KCNK9: variants seen among roughly 807,000 people sequenced by gnomAD.
KCNK9 encodes potassium two pore domain channel subfamily K member 9.
KCNK9 carries 1 observed loss-of-function variant against 10.8 expected under a neutral mutation model. The ratio of observed to expected loss-of-function variants is 0.09; its 90% CI spans 0.03 to 0.44. The LOEUF is 0.44. Among genes scored for constraint, KCNK9 ranks in the 20% least tolerant of loss-of-function variants. The pLI, the probability that KCNK9 is intolerant of heterozygous loss-of-function variation, is 0.97. For missense variants in KCNK9, 303 were observed against 515.0 expected, an observed-to-expected ratio of 0.59 and a Z score of 3.98; for synonymous variants, 231 against 222.7, an observed-to-expected ratio of 1.04 and a Z score of -0.33.
intron 1 of KCNK9, among the ~76,000 whole-genome samples, chr8:139,662,880 G>A (rs1054166928): frequency 1.0e-4 from 11 of 109,678 alleles, no homozygotes; most frequent in Middle Eastern, 4.7e-3. Flanking sequence ...GGAAGGGGGG[G>A]GGGCTGGAGG....
intron 1 of KCNK9, among the ~76,000 whole-genome samples, chr8:139,697,343 A>ATAGT (rs1817086106): frequency 8.0e-6 from 1 of 125,220 alleles, no homozygotes; most frequent in Non-Finnish European, 1.7e-5. Context: ...GGGTGAGTGG[A>ATAGT]TGGTTGGATG....
intron 1 of KCNK9, among the ~76,000 whole-genome samples, chr8:139,699,999 G>A (rs914164142): frequency 2.0e-5 from 3 of 152,154 alleles, no homozygotes; most frequent in African/African-American, 7.2e-5. Context: ...TGCCCAATAG[G>A]AGACAAATCC....
chr8:139,667,272 G>A (rs1320072913), intron 1 of KCNK9, among the ~76,000 whole-genome samples: 1 of 152,246 alleles, frequency 6.6e-6, no homozygotes, highest in Non-Finnish European at 1.5e-5. Flanking sequence ...AGGCAGTTCA[G>A]TCCCTAAAGG....
At chr8:139,652,384 A>T (rs538068214) in intron 1 of KCNK9, among the ~76,000 whole-genome samples, 1 of 152,182 alleles carries the variant, frequency 6.6e-6, no homozygotes, top group Non-Finnish European at 1.5e-5. Flanking sequence ...TGAGCCCATC[A>T]TGGCTCTGGG....
At chr8:139,660,846 C>T (rs185748199) in intron 1 of KCNK9, among the ~76,000 whole-genome samples, 111 of 152,232 alleles carry the variant, frequency 7.3e-4, no homozygotes, top group Non-Finnish European at 1.4e-3. Context: ...GTCACATCAC[C>T]TGCCTAAGGA....
At chr8:139,619,141 A>AG (rs1814696315) in intron 1 of KCNK9, 42 bp from the exon 2 acceptor site, 2 of 1,608,972 alleles carry the variant, frequency 1.2e-6, no homozygotes, top group East Asian at 2.2e-5. Flanking sequence ...GCAAGTGAGG[A>AG]GGGGTCTAGA....
At chr8:139,626,815 C>T (rs1814993087) in intron 1 of KCNK9, among the ~76,000 whole-genome samples, 1 of 152,214 alleles carries the variant, frequency 6.6e-6, no homozygotes, top group Non-Finnish European at 1.5e-5. Context: ...AAAACAGCCA[C>T]AAATTCCATT....
At chr8:139,701,182 C>T (rs752249921) in intron 1 of KCNK9, among the ~76,000 whole-genome samples, 3 of 152,158 alleles carry the variant, frequency 2.0e-5, no homozygotes, top group Non-Finnish European at 4.4e-5. Flanking sequence ...CTGGCCCTCT[C>T]AGAAGCTGGA....
Position 139,702,885 on chromosome 8 carries a change from G to C in KCNK9, c.108C>G (p.Arg36=), listed in dbSNP as rs781296165. 1 of 1,613,846 alleles carries C rather than the reference G, an allele frequency of 6.2e-7. No homozygotes were observed. The highest frequency in any genetic ancestry group is 1.3e-5 in the African/African-American group (1 of 74,984). The change falls in exon 1 of 2, where the codon CGC becomes CGG. Residue 36 remains arginine (R), a synonymous_variant. Transcript: ENST00000520439. This position sits in a 1 kb window ranked among gnomAD's most constrained non-coding sequence, Gnocchi z 7.5. ...CCTCGGCTTTGAGTTTCTCCTCCTC[G>C]CGCATCTCGTGGTCCGACTCGAGGG... ...FDALESDHEM[R]EEEKLKAEEI...
rs1817267213 is a variant in KCNK9 at position 139,703,031 on chromosome 8, C to T, written c.-39G>A. On this transcript the variant is annotated 5_prime_UTR_variant, in exon 1 of 2. Transcript: ENST00000520439. The surrounding 1 kb of genome is among the most constrained non-coding windows in gnomAD (Gnocchi z 6.4). The stretch of plus-strand genomic sequence containing the variant: ...GAGCCGGCGCGGGGGGCATGTCCCG[C>T]AGGCTCACAGCCGCGCGCGTCCCAC... 2.0e-6 allele frequency: 3 copies of T among 1,536,888 alleles called. No homozygotes were observed. In the East Asian group the frequency reaches 7.4e-5, roughly 38 times the overall value.
rs146510360 is a variant in KCNK9, at chr8:139,638,457, T to C, written c.284-19358A>G. ...GGGGGAGCCATTCTTCCAGAATATT[T>C]GTCTGGCCATGATTAGGCCATGCCT... On this transcript the variant is annotated intron_variant, in intron 1 of 1. Coordinates refer to ENST00000520439, the MANE Select transcript of KCNK9 (RefSeq NM_001282534.2). Among the ~76,000 whole-genome samples, 193 of 152,314 alleles carry C rather than the reference T, an allele frequency of 1.3e-3. 1 individual carries two copies. The highest frequency in any genetic ancestry group is 4.4e-3 in the African/African-American group (182 of 41,580).
At chr8:139,621,276 G>A (rs985464306) in intron 1 of KCNK9, among the ~76,000 whole-genome samples, 4 of 146,454 alleles carry the variant, frequency 2.7e-5, no homozygotes, top group Non-Finnish European at 4.5e-5. Context: ...GGGTGACAGA[G>A]CGAGACTCCA....
At chr8:139,609,531 G>A (rs1370815314), downstream of KCNK9, among the ~76,000 whole-genome samples, 1 of 152,162 alleles carries the variant, frequency 6.6e-6, no homozygotes, top group East Asian at 1.9e-4. Context: ...GCTGGGCAGG[G>A]GCAGGCCCCT....
chr8:139,642,022 T>C (rs889894911), intron 1 of KCNK9, among the ~76,000 whole-genome samples: 1 of 152,056 alleles, frequency 6.6e-6, no homozygotes, highest in Non-Finnish European at 1.5e-5. Context: ...GGTAGGGAGC[T>C]CCCCATGACT....
At chr8:139,648,790 G>A (rs759482706) in intron 1 of KCNK9, among the ~76,000 whole-genome samples, 27 of 152,318 alleles carry the variant, frequency 1.8e-4, no homozygotes, top group Middle Eastern at 3.4e-3. Flanking sequence ...GGGTAGCACC[G>A]GACGCCAATG....
intron 1 of KCNK9, among the ~76,000 whole-genome samples, chr8:139,688,169 T>C (rs192336912): frequency 4.3e-4 from 66 of 152,270 alleles, no homozygotes; most frequent in Admixed American, 4.1e-3. Flanking sequence ...CAAATAAGGA[T>C]GCTGATGATG....
chr8:139,687,541 C>T lies in KCNK9; in HGVS notation c.283+15169G>A, dbSNP rs370135119. 3.6e-4 allele frequency among the ~76,000 whole-genome samples: 37 copies of T among 104,006 alleles called. 3 individuals are homozygous for T. Among genetic ancestry groups the T allele is most frequent in the African/African-American group, 1.2e-3 (31 of 26,912 alleles). 68.2% of individuals were successfully genotyped at this position (104,006 alleles called of 152,430 possible). Reference sequence around the variant, plus strand: ...ACATATATTCATATATATGTATACACATATATTCATATATATGTATACATA... The same window carrying T: ...ACATATATTCATATATATGTATACATATATATTCATATATATGTATACATA... On this transcript the variant is annotated intron_variant, in intron 1 of 1. Coordinates refer to ENST00000520439, the MANE Select transcript of KCNK9 (RefSeq NM_001282534.2).
At chr8:139,646,957 C>T (rs540316748) in intron 1 of KCNK9, among the ~76,000 whole-genome samples, 41 of 152,370 alleles carry the variant, frequency 2.7e-4, no homozygotes, top group African/African-American at 9.4e-4. Flanking sequence ...TAACACTGGC[C>T]GCCAGCCCAA....
chr8:139,641,635 C>A (rs374719648), intron 1 of KCNK9, among the ~76,000 whole-genome samples: 35 of 152,002 alleles, frequency 2.3e-4, no homozygotes, highest in African/African-American at 8.2e-4. Context: ...GGCCTGCCCC[C>A]CCCCCGCACT....
Sources: gnomAD v4.1 joint callset for allele counts (sites outside exome capture counted in the v4.1 genomes callset) on GRCh38, gnomAD v4.1.1 for gene constraint, Gnocchi (gnomAD v3.1) non-coding constraint, MANE v1.5 for transcripts, NCBI Gene and HGNC (gene_info 2026-07-23, HGNC 2026-07-21) for gene names.